DNAJC7: variants seen among roughly 807,000 people sequenced by gnomAD.
The protein encoded by DNAJC7 is DnaJ heat shock protein family (Hsp40) member C7, also known as dnaJ homolog subfamily C member 7.
DNAJC7 carries 18 observed loss-of-function variants against 67.4 expected under a neutral mutation model. That is an observed-to-expected ratio of 0.27 (90% CI 0.18 to 0.40). The LOEUF is 0.40. Ranked by LOEUF, DNAJC7 falls within the 10% of genes least tolerant of loss-of-function variation. The pLI is 1.00. For missense variants in DNAJC7, 419 were observed against 613.8 expected (o/e 0.68, Z 3.35); for synonymous variants, 220 against 207.8 (o/e 1.06, Z -0.50).
chr17:42,008,102 C>G (rs1555650589), intron 1 of DNAJC7, among the ~76,000 whole-genome samples: 1 of 151,642 alleles, frequency 6.6e-6, no homozygotes, highest in Non-Finnish European at 1.5e-5. Flanking sequence ...CACCTGAGGT[C>G]AGAAGTTCAA....
intron 1 of DNAJC7, among the ~76,000 whole-genome samples, chr17:42,001,710 G>A (rs1480532635): frequency 3.3e-5 from 5 of 152,188 alleles, no homozygotes; most frequent in African/African-American, 1.2e-4. Flanking sequence ...CCTTGGTGAT[G>A]GTACAGCAAT....
chr17:42,015,837 G>C (rs2052262729), intron 1 of DNAJC7: 2 of 152,160 alleles, frequency 1.3e-5, no homozygotes, highest in South Asian at 2.1e-4. Flanking sequence ...CTGGGCGACA[G>C]AGCGAGATTC....
chr17:42,017,310 G>C (rs782475928), intron 1 of DNAJC7, 30 bp downstream of exon 1: 1 of 1,610,362 alleles, frequency 6.2e-7, no homozygotes, highest in South Asian at 1.1e-5. Flanking sequence ...GCTGCAGGTC[G>C]CCTCCTCTAC....
In DNAJC7 at chr17:42,000,463, A is replaced by C; in HGVS notation, c.166+19T>G. The C allele has an allele frequency of 6.4e-7, 1 of 1,551,542 alleles. No homozygotes were observed. The highest frequency in any genetic ancestry group is 8.8e-7 in the Non-Finnish European group (1 of 1,134,344). On this transcript the variant is annotated intron_variant, in intron 2 of 13. Transcript: ENST00000457167. ...TGGCAAGTAAATGTTTTCTAGCGTA[A>C]GTATCAGTTCTTTCTCACCTATGGC...
chr17:42,010,496 AATATAT>A (rs1238601599), intron 1 of DNAJC7, among the ~76,000 whole-genome samples: 3 of 151,690 alleles, frequency 2.0e-5, no homozygotes, highest in African/African-American at 7.3e-5. Context: ...CTGTCTCAAA[AATATAT>A]ATATATAAAG....
chr17:42,017,116 C>T, intron 1 of DNAJC7: 1 of 1,448,162 alleles, frequency 6.9e-7, no homozygotes, highest in Non-Finnish European at 9.0e-7. Flanking sequence ...AGCTGGAGAA[C>T]AAGGCCATGC....
At chr17:41,993,747 A>G (rs1441794692) in intron 5 of DNAJC7, among the ~76,000 whole-genome samples, 1 of 151,964 alleles carries the variant, frequency 6.6e-6, no homozygotes, top group African/African-American at 2.4e-5. Flanking sequence ...AAAGATATCT[A>G]GAACTTTTGG....
At chr17:41,990,013 T>C (rs1567959325) in intron 6 of DNAJC7, among the ~76,000 whole-genome samples, 1 of 152,168 alleles carries the variant, frequency 6.6e-6, no homozygotes, top group African/African-American at 2.4e-5. Context: ...AGGACTACCT[T>C]AAACAAACAA....
At chr17:42,011,425 A>AGTT (rs1312240970) in intron 1 of DNAJC7, 2 of 152,232 alleles carry the variant, frequency 1.3e-5, no homozygotes, top group Non-Finnish European at 2.9e-5. Context: ...CTCTGGCACT[A>AGTT]GTTAACATGT....
In DNAJC7 at chr17:41,997,224, T is replaced by A. The variant is rs781844007; in HGVS notation, c.182A>T (p.Asn61Ile). The A allele has an allele frequency of 6.2e-7, 1 of 1,613,656 alleles. No individual in the cohort carries two copies. Among genetic ancestry groups the A allele is most frequent in the South Asian group, 1.1e-5 (1 of 91,034 alleles). Residue 61 changes from asparagine (N) to isoleucine (I), a missense_variant, in exon 3 of 14, where the codon AAT becomes ATT. Physicochemically the swap from Asn to Ile is moderately radical, Grantham distance 149 (BLOSUM62 -3). Transcript: ENST00000457167. ...TGCTCGATTACCATAATAGCTAGCA[T>A]TTTTAGGACACATATCTATAGGAAA... Reference protein sequence around the residue: ...YTKAIDMCPKNASYYGNRAAT... With the variant: ...YTKAIDMCPKIASYYGNRAAT...
At chr17:42,011,133 G>A (rs1477362799) in intron 1 of DNAJC7, 3 of 152,188 alleles carry the variant, frequency 2.0e-5, no homozygotes, top group Non-Finnish European at 2.9e-5. Context: ...GGAGAAATGG[G>A]CTCTCAGAGG....
At chr17:41,983,704 G>A (rs1349132943) in intron 9 of DNAJC7, 68 bp from the exon 10 acceptor site, 23 of 1,402,228 alleles carry the variant, frequency 1.6e-5, no homozygotes, top group Middle Eastern at 1.8e-4. Context: ...GATCACTCTA[G>A]GGCAAGAGGC....
chr17:41,983,049 C>T (rs150438496), intron 10 of DNAJC7, among the ~76,000 whole-genome samples: 3 of 151,874 alleles, frequency 2.0e-5, no homozygotes, highest in East Asian at 1.9e-4. Flanking sequence ...GAAATGAAAA[C>T]GACAGGGAGG....
intron 5 of DNAJC7, among the ~76,000 whole-genome samples, chr17:41,993,417 C>T (rs1428113106): frequency 4.6e-5 from 7 of 152,118 alleles, no homozygotes; most frequent in Non-Finnish European, 1.0e-4. Flanking sequence ...CGAGATCCCG[C>T]CACTGCACTC....
intron 2 of DNAJC7, among the ~76,000 whole-genome samples, chr17:41,999,433 A>G (rs2051748118): frequency 6.6e-6 from 1 of 151,916 alleles, no homozygotes; most frequent in Non-Finnish European, 1.5e-5. Context: ...TCATGAGATC[A>G]TTAAGCCTGA....
intron 2 of DNAJC7, among the ~76,000 whole-genome samples, chr17:42,000,272 C>A (rs1277067455): frequency 6.6e-6 from 1 of 151,158 alleles, no homozygotes; most frequent in East Asian, 1.9e-4. Flanking sequence ...GTGCCCGCCA[C>A]CAGGCCCAGC....
intron 7 of DNAJC7, 23 bp from the exon 8 acceptor site, chr17:41,988,919 G>A: frequency 6.2e-7 from 1 of 1,611,802 alleles, no homozygotes; most frequent in Non-Finnish European, 8.5e-7. Flanking sequence ...GCAAGGGGAG[G>A]ATCGGTTCAT....
chr17:42,012,001 G>C (rs1555651085), intron 1 of DNAJC7, among the ~76,000 whole-genome samples: 1 of 152,230 alleles, frequency 6.6e-6, no homozygotes, highest in African/African-American at 2.4e-5. Flanking sequence ...TACCTAGGTA[G>C]TAAGGGCCTA....
At position 42,008,408 on chromosome 17, in the gene DNAJC7, A is replaced by C. The variant is rs1159019908; in HGVS notation, c.78-7838T>G. ...GTCACAGGTATAGATATATATATAT[A>C]GATATAGATTTTTTTTTTTGAGACG... is the stretch of plus-strand genomic sequence containing the variant. On this transcript the variant is annotated intron_variant, in intron 1 of 13. Coordinates refer to ENST00000457167, the MANE Select transcript of DNAJC7 (RefSeq NM_003315.4). Among the ~76,000 whole-genome samples the C allele has an allele frequency of 4.7e-5, 3 of 64,442 alleles. No individual in the cohort carries two copies. In the East Asian group the frequency reaches 1.3e-3, roughly 27 times the overall value. 42.3% of individuals were successfully genotyped at this position (64,442 alleles called of 152,430 possible).
Sources: allele counts gnomAD v4.1 joint callset (sites outside exome capture counted in the v4.1 genomes callset), GRCh38; gene constraint gnomAD v4.1.1; transcripts MANE v1.5; gene names NCBI Gene and HGNC (gene_info 2026-07-23, HGNC 2026-07-21).